The following TNR variants were observed in gnomAD, a reference collection of about 807,000 sequenced individuals.
TNR encodes the protein tenascin R.
A neutral mutation model predicts 150.4 loss-of-function variants in TNR; 45 were observed. The ratio of observed to expected loss-of-function variants is 0.30; its 90% confidence interval spans 0.24 to 0.38. The LOEUF (loss-of-function observed/expected upper bound fraction) is 0.38, where lower values mean the gene tolerates loss of function less well. Ranked by LOEUF, TNR falls within the 10% of genes least tolerant of loss-of-function variation. The probability of loss-of-function intolerance (pLI) is 1.00; values close to 1 mark genes in which losing one functional copy is unlikely to be tolerated. For missense variants in TNR, 1,544 were observed against 1,759.1 expected (o/e 0.88, Z 2.19); for synonymous variants, 687 against 678.4 (o/e 1.01, Z -0.20).
chr1:175,691,865 C>A (rs908213468), intron 1 of TNR, among the ~76,000 whole-genome samples: 4 of 152,288 alleles, frequency 2.6e-5, no homozygotes, highest in Middle Eastern at 3.4e-3. Flanking sequence ...GAGGGCTATC[C>A]CATGCCATCC....
At chr1:175,602,685 C>T (rs117658445) in intron 1 of TNR, among the ~76,000 whole-genome samples, 2 of 152,318 alleles carry the variant, frequency 1.3e-5, no homozygotes, top group East Asian at 3.9e-4. Flanking sequence ...CCACATCTCT[C>T]AATGTCCTTT....
At position 175,569,132 on chromosome 1, in the gene TNR, C is replaced by T. The variant is rs139955336; in HGVS notation, c.-164-40763G>A. ...GTTAACCCTCTAGGAGATGGCAAAA[C>T]GCTACCCAAAGGGCTAGGAAGAAAG... On this transcript the variant is annotated intron_variant, in intron 1 of 22. Transcript: ENST00000367674. 1.8e-3 allele frequency among the ~76,000 whole-genome samples: 271 copies of T among 152,272 alleles called. 4 individuals are homozygous for T. The East Asian group carries it at 0.042, about 24-fold the overall frequency.
Position 175,410,478 on chromosome 1 carries a change from A to G in TNR, c.-63-3701T>C, listed in dbSNP as rs188552863. On this transcript the variant is annotated intron_variant, in intron 2 of 22. Transcript: ENST00000367674. ...TAACAAATACATCAGCTGCTCTGAGAAGGCTGGAGGAGATGCTAGCAACTC... is the reference window on the plus strand; with the variant it reads ...TAACAAATACATCAGCTGCTCTGAGGAGGCTGGAGGAGATGCTAGCAACTC... 1.9e-4 allele frequency among the ~76,000 whole-genome samples: 29 copies of G among 152,336 alleles called. 1 individual carries two copies. Among genetic ancestry groups the G allele is most frequent in the African/African-American group, 6.3e-4 (26 of 41,558 alleles).
intron 1 of TNR, among the ~76,000 whole-genome samples, chr1:175,675,450 C>T (rs903612156): frequency 2.0e-5 from 3 of 152,218 alleles, no homozygotes; most frequent in African/African-American, 7.2e-5. Flanking sequence ...CAGGTGCATG[C>T]ACACACAATC....
Position 175,650,896 on chromosome 1 carries a change from C to T in TNR, c.-165+92330G>A, listed in dbSNP as rs1229384842. The stretch of plus-strand genomic sequence containing the variant: ...CTCCTCCTCCCCACCTCATTACTAC[C>T]CCTCTCCCACCTCATTACTACCCCT... On this transcript the variant is annotated intron_variant, in intron 1 of 22. Coordinates refer to ENST00000367674, the MANE Select transcript of TNR (RefSeq NM_003285.3). Among the ~76,000 whole-genome samples, 16 of 122,652 alleles carry T rather than the reference C, an allele frequency of 1.3e-4. 1 individual carries two copies. Among genetic ancestry groups the T allele is most frequent in the Non-Finnish European group, 2.5e-4 (14 of 56,948 alleles). The allele number at this position is 122,652 out of a possible 152,430, so 80.5% of individuals were successfully genotyped here. A position where few individuals can be genotyped will look rare whatever the true frequency, so the allele number is the denominator to read the frequency against.
chr1:175,659,053 A>G (rs1026966933), intron 1 of TNR, among the ~76,000 whole-genome samples: 1 of 151,898 alleles, frequency 6.6e-6, no homozygotes, highest in African/African-American at 2.4e-5. Flanking sequence ...CTCTGCCACT[A>G]CTCGCCCCTG....
chr1:175,436,720 G>C (rs539614744), intron 2 of TNR, among the ~76,000 whole-genome samples: 1 of 152,104 alleles, frequency 6.6e-6, no homozygotes, highest in Non-Finnish European at 1.5e-5. Context: ...AAAAAGGCAG[G>C]GGTTGCAATC....
chr1:175,706,394 C>T lies in TNR; in HGVS notation c.-165+36832G>A, dbSNP rs772728233. On this transcript the variant is annotated intron_variant, in intron 1 of 22. Coordinates refer to ENST00000367674, the MANE Select transcript of TNR (RefSeq NM_003285.3). ...TACCCTGAATTTGGAGTATTGGGCA[C>T]CACCCATTGAGAAGGACATTAACAA... Among the ~76,000 whole-genome samples, 27 of 152,040 alleles carry T rather than the reference C, an allele frequency of 1.8e-4. 1 individual carries two copies. Among genetic ancestry groups the T allele is most frequent in the Admixed American group, 3.3e-4 (5 of 15,274 alleles).
intron 2 of TNR, among the ~76,000 whole-genome samples, chr1:175,417,071 G>T (rs10912975): frequency 0.02 from 2,350 of 119,806 alleles, 39 homozygotes; most frequent in East Asian, 0.075. Flanking sequence ...AAGAAAGAAA[G>T]AAAGAAATCT....
intron 2 of TNR, among the ~76,000 whole-genome samples, chr1:175,480,419 AAAAG>A (rs200828309): frequency 0.016 from 1,775 of 111,026 alleles, 17 homozygotes; most frequent in East Asian, 0.071. Flanking sequence ...AAAGAAAGAA[AAAAG>A]AAAGAAAGAA....
At chr1:175,691,845 T>A (rs933746157) in intron 1 of TNR, among the ~76,000 whole-genome samples, 6 of 152,138 alleles carry the variant, frequency 3.9e-5, no homozygotes, top group Non-Finnish European at 5.9e-5. Flanking sequence ...CCACATGCAT[T>A]CCGTTTCAGG....
intron 1 of TNR, among the ~76,000 whole-genome samples, chr1:175,628,546 C>T (rs560872991): frequency 6.6e-6 from 1 of 151,938 alleles, no homozygotes; most frequent in South Asian, 2.1e-4. Flanking sequence ...AAGAATGGCA[C>T]CTTTTTTTGC....
intron 1 of TNR, among the ~76,000 whole-genome samples, chr1:175,651,395 G>A (rs944935229): frequency 2.6e-5 from 4 of 151,964 alleles, no homozygotes; most frequent in Non-Finnish European, 5.9e-5. Flanking sequence ...GAAAGTGTCA[G>A]ATCCACAGAG....
chr1:175,522,861 A>G (rs1480442700), intron 2 of TNR, among the ~76,000 whole-genome samples: 2 of 152,250 alleles, frequency 1.3e-5, no homozygotes, highest in African/African-American at 2.4e-5. Flanking sequence ...AATCCAGACA[A>G]TTTAAATTTG....
chr1:175,596,155 A>C (rs113129312), intron 1 of TNR, among the ~76,000 whole-genome samples: 19 of 152,206 alleles, frequency 1.2e-4, no homozygotes, highest in Non-Finnish European at 2.2e-4. Flanking sequence ...ATGTTTTTTT[A>C]AAAGAAAAAG....
Position 175,379,560 on chromosome 1 carries a change from G to A in TNR, c.1955C>T (p.Thr652Ile), listed in dbSNP as rs746291098. ...PRGIGPTTRA[T>I]LTDLVPGTEY... is the part of the protein sequence containing the mutation. The stretch of plus-strand genomic sequence containing the variant: ...AGATAGGTCTTACTCACCTGTCAGG[G>A]TGGCCCTGGTGGTTGGACCAATGCC... Residue 652 changes from threonine to isoleucine, a missense_variant, in exon 9 of 23, where the codon ACC (threonine) becomes ATC (isoleucine). By Grantham distance (89) the Thr-to-Ile change is moderately conservative. Around this residue, in one of 2 missense-constraint regions of TNR, gnomAD observed 1,254 missense variants for 1,329.4 expected, o/e 0.94. Coordinates refer to ENST00000367674, the MANE Select transcript of TNR (RefSeq NM_003285.3). The A allele has an allele frequency of 3.4e-5, 55 of 1,612,940 alleles. No homozygotes were observed. Among genetic ancestry groups the A allele is most frequent in the Non-Finnish European group, 4.6e-5 (54 of 1,179,860 alleles).
chr1:175,328,202 GT>G (rs1217535713), intron 21 of TNR, among the ~76,000 whole-genome samples: 1 of 152,192 alleles, frequency 6.6e-6, no homozygotes, highest in African/African-American at 2.4e-5. Context: ...TAGACGATTA[GT>G]TTTTGTAAAG....
In TNR at chr1:175,660,875, T is replaced by C. The variant is rs555154057; in HGVS notation, c.-165+82351A>G. 5.3e-5 allele frequency among the ~76,000 whole-genome samples: 8 copies of C among 152,142 alleles called. No homozygotes were observed. The East Asian group carries it at 1.4e-3, about 26-fold the overall frequency. On this transcript the variant is annotated intron_variant, in intron 1 of 22. Coordinates refer to ENST00000367674, the MANE Select transcript of TNR (RefSeq NM_003285.3). ...GGTTCCAGGAGAAACAGAACAAGAG[T>C]TGGGGCCTTAGAGATAGGAGAGGAG... is the stretch of plus-strand genomic sequence containing the variant.
chr1:175,594,475 C>A (rs1014039404), intron 1 of TNR, among the ~76,000 whole-genome samples: 4 of 152,118 alleles, frequency 2.6e-5, no homozygotes, highest in Non-Finnish European at 4.4e-5. Context: ...TTATTTGCAT[C>A]TTTTGTTTAT....
Sources: gnomAD v4.1 joint callset for allele counts (sites outside exome capture counted in the v4.1 genomes callset) on GRCh38, gnomAD v4.1.1 for gene constraint, gnomAD v4.1.1 regional missense constraint, MANE v1.5 for transcripts, NCBI Gene and HGNC (gene_info 2026-07-23, HGNC 2026-07-21) for gene names.